Variants in ABAT observed in about 807,000 individuals in gnomAD.
ABAT encodes the protein 4-aminobutyrate aminotransferase, mitochondrial.
In ABAT, 45 loss-of-function variants were observed where a neutral mutation model predicts 64.6. The ratio of observed to expected loss-of-function variants is 0.70; its 90% confidence interval spans 0.55 to 0.89. ABAT has a LOEUF of 0.89. Ranked by LOEUF, ABAT falls within the 40% of genes least tolerant of loss-of-function variation. The pLI, the probability that ABAT is intolerant of heterozygous loss-of-function variation, is 0.00. For missense variants in ABAT, 633 were observed against 658.4 expected, an observed-to-expected ratio of 0.96 and a Z score of 0.42; for synonymous variants, 297 against 250.5, an observed-to-expected ratio of 1.19 and a Z score of -1.75.
rs566706730 is a variant in ABAT at position 8,765,528 on chromosome 16, G to A, written c.541-680G>A. Among the ~76,000 whole-genome samples the A allele has an allele frequency of 5.9e-5, 9 of 151,632 alleles. No individual in the cohort carries two copies. In the South Asian group the frequency reaches 6.3e-4, roughly 11 times the overall value. ...AATATACAAAAAATTAGCTGGGTGC[G>A]GTGGTGCCTGCCTGTTGTCCCAGCT... On this transcript the variant is annotated intron_variant, in intron 8 of 15. Transcript: ENST00000268251.
chr16:8,774,644 G>GT (rs1365784813), intron 12 of ABAT, among the ~76,000 whole-genome samples: 1 of 152,100 alleles, frequency 6.6e-6, no homozygotes, highest in Non-Finnish European at 1.5e-5. Context: ...AATGTTCTGG[G>GT]TTTTTTTGGT....
intron 1 of ABAT, among the ~76,000 whole-genome samples, chr16:8,724,697 C>T (rs1395792226): frequency 7.4e-6 from 1 of 135,850 alleles, no homozygotes; most frequent in African/African-American, 2.8e-5. Context: ...CCACTCCACT[C>T]CAGCTTGGGC....
rs1319377239 is a variant in ABAT, at chr16:8,784,490, G to A, written c.*3060G>A. On this transcript the variant is annotated 3_prime_UTR_variant, in exon 16 of 16. Coordinates refer to ENST00000268251, the MANE Select transcript of ABAT (RefSeq NM_020686.6). Reference sequence around the variant, plus strand: ...AAAAATTAACATGTCACAATGTAACGGATGACCATATGCACAATTCCATGA... The same window carrying A: ...AAAAATTAACATGTCACAATGTAACAGATGACCATATGCACAATTCCATGA... 2 of 152,312 alleles carry A rather than the reference G, an allele frequency of 1.3e-5. No homozygotes were observed. Among genetic ancestry groups the A allele is most frequent in the Non-Finnish European group, 2.9e-5 (2 of 68,032 alleles). The allele number at this position is 152,312 out of a possible 1,614,324, so 9.4% of individuals were successfully genotyped here. A position where few individuals can be genotyped will look rare whatever the true frequency, so the allele number is the denominator to read the frequency against.
chr16:8,742,756 C>T (rs939043339), intron 2 of ABAT, among the ~76,000 whole-genome samples: 1 of 151,034 alleles, frequency 6.6e-6, no homozygotes, highest in Non-Finnish European at 1.5e-5. Flanking sequence ...ATCCCAGCTA[C>T]TCAGGGGGCT....
intron 6 of ABAT, among the ~76,000 whole-genome samples, chr16:8,760,883 G>C (rs895497518): frequency 2.6e-5 from 4 of 152,222 alleles, no homozygotes; most frequent in Non-Finnish European, 5.9e-5. Context: ...AGACCAGCCT[G>C]GGCAACATAT....
At chr16:8,704,629 G>GT (rs34516341) in intron 1 of ABAT, among the ~76,000 whole-genome samples, 21 of 152,164 alleles carry the variant, frequency 1.4e-4, no homozygotes, top group African/African-American at 5.1e-4. Context: ...TTATGATTTT[G>GT]TTTTTTTGTG....
intron 12 of ABAT, among the ~76,000 whole-genome samples, chr16:8,774,558 A>T (rs1464642862): frequency 1.3e-5 from 2 of 152,124 alleles, no homozygotes; most frequent in Non-Finnish European, 2.9e-5. Flanking sequence ...TGTTGGACAC[A>T]GCTCCCTCTG....
In ABAT at chr16:8,775,022, G is replaced by A. The variant is rs759581362; in HGVS notation, c.1087G>A (p.Gly363Ser). ...MTFSKKMMTG[G>S]FFHKEEFRPN... Reference sequence around the variant, plus strand: ...CTTCAGCAAGAAGATGATGACTGGGGGCTTCTTCCACAAGGAGGAGTTCAG... The same window carrying A: ...CTTCAGCAAGAAGATGATGACTGGGAGCTTCTTCCACAAGGAGGAGTTCAG... The change falls in exon 13 of 16, where the codon GGC becomes AGC. Residue 363 changes from glycine to serine, a missense_variant. Physicochemically the swap from Gly to Ser is moderately conservative, Grantham distance 56 (BLOSUM62 0). Coordinates refer to ENST00000268251, the MANE Select transcript of ABAT (RefSeq NM_020686.6). 1 of 1,614,174 alleles carries A rather than the reference G, an allele frequency of 6.2e-7. No homozygotes were observed.
intron 2 of ABAT, among the ~76,000 whole-genome samples, chr16:8,740,634 C>T (rs971828869): frequency 1.3e-5 from 2 of 152,192 alleles, no homozygotes; most frequent in Non-Finnish European, 2.9e-5. Flanking sequence ...TCCACCAGGT[C>T]CCTGTGAGGC....
chr16:8,769,049 A>G, intron 11 of ABAT, 76 bp downstream of exon 11: 2 of 1,597,298 alleles, frequency 1.3e-6, no homozygotes, highest in Non-Finnish European at 1.7e-6. Context: ...TGGGGAGAAG[A>G]GAAACAGATG....
chr16:8,701,241 A>C (rs187032909), intron 1 of ABAT, among the ~76,000 whole-genome samples: 105 of 152,348 alleles, frequency 6.9e-4, no homozygotes, highest in Admixed American at 1.7e-3. Context: ...TCTTGACCTT[A>C]ATTCTTTAAC....
intron 1 of ABAT, among the ~76,000 whole-genome samples, chr16:8,711,814 G>GGATGGATGGATA (rs1439992170): frequency 9.4e-5 from 14 of 148,266 alleles, no homozygotes; most frequent in Admixed American, 6.7e-4. Context: ...ATGGATGGAT[G>GGATGGATGGATA]GATGGATGGA....
intron 13 of ABAT, among the ~76,000 whole-genome samples, chr16:8,775,416 C>T (rs1206135488): frequency 1.3e-5 from 2 of 152,170 alleles, no homozygotes; most frequent in Admixed American, 1.3e-4. Flanking sequence ...TTATTTTTAT[C>T]CTCATTTGAC....
At chr16:8,779,029 G>A (rs377016891) in intron 14 of ABAT, among the ~76,000 whole-genome samples, 4 of 152,178 alleles carry the variant, frequency 2.6e-5, no homozygotes, top group Admixed American at 2.6e-4. Flanking sequence ...CTTTCTAGAA[G>A]AGCTGACGAT....
chr16:8,738,019 A>AGG (rs1567295841), intron 2 of ABAT, among the ~76,000 whole-genome samples: 3 of 132,968 alleles, frequency 2.3e-5, no homozygotes, highest in East Asian at 4.6e-4. Context: ...AAAGAAAGGA[A>AGG]AGAAAGAAAG....
intron 2 of ABAT, chr16:8,738,422 T>G (rs781335413): frequency 4.6e-5 from 21 of 455,866 alleles, no homozygotes; most frequent in South Asian, 3.3e-4. Flanking sequence ...ATTTTTCCTT[T>G]AATGTCTTTT....
chr16:8,772,791 G>A lies in ABAT; in HGVS notation c.828G>A (p.Leu276=). The change falls in exon 12 of 16, where the codon CTG becomes CTA. Residue 276 remains leucine, a synonymous_variant. Transcript: ENST00000268251. ...CCTTTGGGATCCAGGTGGAGGATCT[G>A]ATTGTGAAATATCGGAAAAAGAAGA... ...EARCLEEVED[L]IVKYRKKKKT... The A allele has an allele frequency of 6.2e-7, 1 of 1,614,134 alleles. No homozygotes were observed. Among genetic ancestry groups the A allele is most frequent in the Non-Finnish European group, 8.5e-7 (1 of 1,180,020 alleles).
At chr16:8,756,245 G>A (rs1306141563) in intron 5 of ABAT, among the ~76,000 whole-genome samples, 2 of 152,102 alleles carry the variant, frequency 1.3e-5, no homozygotes, top group Non-Finnish European at 2.9e-5. Flanking sequence ...GGAAGGAATG[G>A]GAGCTTGACT....
intron 1 of ABAT, among the ~76,000 whole-genome samples, chr16:8,687,852 A>T (rs1342498683): frequency 3.9e-5 from 6 of 152,114 alleles, no homozygotes; most frequent in African/African-American, 1.4e-4. Flanking sequence ...TTGAAACATT[A>T]TATGAATGGT....
Sources: gnomAD v4.1 joint callset for allele counts (sites outside exome capture counted in the v4.1 genomes callset) on GRCh38, gnomAD v4.1.1 for gene constraint, MANE v1.5 for transcripts, NCBI Gene and HGNC (gene_info 2026-07-23, HGNC 2026-07-21) for gene names.